Variants in PRKG2 observed in about 807,000 individuals in gnomAD.
PRKG2 encodes cGMP-dependent protein kinase 2.
PRKG2 carries 33 observed loss-of-function variants against 97.2 expected under a neutral mutation model. That is an observed-to-expected ratio of 0.34 (90% CI 0.26 to 0.45). PRKG2 has a LOEUF of 0.45. PRKG2 is among the 20% of genes least tolerant of loss of function. The probability of loss-of-function intolerance (pLI) is 1.00; values close to 1 mark genes in which losing one functional copy is unlikely to be tolerated. For synonymous variants in PRKG2, 330 were observed against 321.8 expected (o/e 1.03, Z -0.27); for missense variants, 638 against 900.0 (o/e 0.71, Z 3.73).
chr4:81,124,132 T>C (rs1212180413), intron 14 of PRKG2, among the ~76,000 whole-genome samples: 1 of 152,180 alleles, frequency 6.6e-6, no homozygotes, highest in African/African-American at 2.4e-5. Context: ...GTAAACACCC[T>C]TTATCTTTGT....
At chr4:81,146,944 G>A (rs1463924843) in intron 9 of PRKG2, among the ~76,000 whole-genome samples, 1 of 152,128 alleles carries the variant, frequency 6.6e-6, no homozygotes, top group Admixed American at 6.5e-5. Context: ...ATATGCTGGT[G>A]TAATCTGAAC....
At chr4:81,098,227 C>T (rs1010711689) in intron 17 of PRKG2, among the ~76,000 whole-genome samples, 14 of 152,126 alleles carry the variant, frequency 9.2e-5, no homozygotes, top group Admixed American at 6.6e-4. Context: ...TTCTTGCCCT[C>T]GAACATCGGA....
chr4:81,091,305 C>T (rs947252807), intron 18 of PRKG2, among the ~76,000 whole-genome samples: 8 of 151,512 alleles, frequency 5.3e-5, no homozygotes, highest in South Asian at 4.2e-4. Context: ...TTTTTTGAGA[C>T]GGAGTCTTGC....
At chr4:81,147,688 C>T (rs553950223) in intron 9 of PRKG2, among the ~76,000 whole-genome samples, 28 of 152,170 alleles carry the variant, frequency 1.8e-4, no homozygotes, top group Middle Eastern at 3.4e-3. Context: ...TGGACAGGGA[C>T]GGCTCCAACA....
chr4:81,105,861 G>C lies in PRKG2; in HGVS notation c.2015C>G (p.Pro672Arg). 6.2e-7 allele frequency: 1 copy of C among 1,613,708 alleles called. No individual in the cohort carries two copies. Among genetic ancestry groups the C allele is most frequent in the Non-Finnish European group, 8.5e-7 (1 of 1,179,800 alleles). Reference sequence around the variant, plus strand: ...CTCAGGTCGTCGTGTTATCTTCCTGGGAAAATCCATTTTTTCAATTCCTTT... The same window carrying C: ...CTCAGGTCGTCGTGTTATCTTCCTGCGAAAATCCATTTTTTCAATTCCTTT... Reference protein sequence around the residue: ...ILKGIEKMDFPRKITRRPEDL... With the variant: ...ILKGIEKMDFRRKITRRPEDL... The change falls in exon 16 of 19, where the codon CCC (proline) becomes CGC (arginine). Residue 672 changes from proline (P) to arginine (R), a missense_variant. Physicochemically the swap from Pro to Arg is moderately radical, Grantham distance 103. This residue lies in a region of PRKG2 where 304 missense variants were observed against 460.5 expected (regional missense o/e 0.66). Coordinates refer to ENST00000264399, the MANE Select transcript of PRKG2 (RefSeq NM_006259.3).
intron 8 of PRKG2, among the ~76,000 whole-genome samples, chr4:81,150,606 C>A (rs895252497): frequency 6.6e-6 from 1 of 152,166 alleles, no homozygotes; most frequent in Non-Finnish European, 1.5e-5. Flanking sequence ...TTGGAAAACA[C>A]TATAATTGGC....
intron 8 of PRKG2, among the ~76,000 whole-genome samples, chr4:81,150,186 C>A (rs1372331432): frequency 6.6e-6 from 1 of 152,068 alleles, no homozygotes; most frequent in Non-Finnish European, 1.5e-5. Context: ...TGTAGGCCAA[C>A]CATTTGATCT....
intron 1 of PRKG2, 29 bp downstream of exon 1, chr4:81,214,907 G>C (rs898474775): frequency 6.6e-6 from 1 of 152,210 alleles, no homozygotes; most frequent in Non-Finnish European, 1.5e-5. Context: ...ACACCCCGGC[G>C]CCCAAGACCC....
In PRKG2 at chr4:81,110,626, C is replaced by T; in HGVS notation, c.1777-15G>A. ...CCAAAGTCAACCTGGTAAAGAATAG[C>T]AAAGAAATTGTGCAGAAACCATAAA... On this transcript the variant is annotated splice_polypyrimidine_tract_variant and intron_variant, in intron 14 of 18. Transcript: ENST00000264399. 1 of 1,613,076 alleles carries T rather than the reference C, an allele frequency of 6.2e-7. No individual in the cohort carries two copies. Among genetic ancestry groups the T allele is most frequent in the Non-Finnish European group, 8.5e-7 (1 of 1,179,698 alleles).
chr4:81,097,739 T>C (rs1158914245), intron 17 of PRKG2, among the ~76,000 whole-genome samples: 1 of 152,182 alleles, frequency 6.6e-6, no homozygotes, highest in African/African-American at 2.4e-5. Context: ...TTTTAAGTTA[T>C]GGAGATGGCT....
chr4:81,207,781 T>G (rs1225219398), intron 1 of PRKG2, among the ~76,000 whole-genome samples: 1 of 152,158 alleles, frequency 6.6e-6, no homozygotes, highest in Admixed American at 6.5e-5. Context: ...GATACGTAAG[T>G]AAGTTACTAA....
chr4:81,176,848 A>T (rs1750971849), intron 2 of PRKG2, among the ~76,000 whole-genome samples: 1 of 152,024 alleles, frequency 6.6e-6, no homozygotes. Flanking sequence ...TCAACATCCA[A>T]CATTCCATGG....
chr4:81,185,638 T>A (rs916203309), intron 2 of PRKG2, among the ~76,000 whole-genome samples: 1 of 151,254 alleles, frequency 6.6e-6, no homozygotes, highest in Admixed American at 6.6e-5. Flanking sequence ...TAACCTTAAA[T>A]GTAAATGGGC....
At chr4:81,114,323 A>G (rs1158087772) in intron 14 of PRKG2, among the ~76,000 whole-genome samples, 7 of 119,750 alleles carry the variant, frequency 5.8e-5, no homozygotes, top group Non-Finnish European at 1.3e-4. Flanking sequence ...GTGTTTGGTG[A>G]AAAAAAAAAA....
At chr4:81,214,577 T>G (rs898527403) in intron 1 of PRKG2, among the ~76,000 whole-genome samples, 2 of 152,072 alleles carry the variant, frequency 1.3e-5, no homozygotes, top group African/African-American at 4.8e-5. Context: ...GCGCAAGCCC[T>G]GACAGCACCG....
At chr4:81,144,608 A>ATT (rs200058151) in intron 9 of PRKG2, among the ~76,000 whole-genome samples, 10,763 of 140,380 alleles carry the variant, frequency 0.077, 975 homozygotes, top group East Asian at 0.37. Flanking sequence ...ATATATATAT[A>ATT]TATTTTTTTT....
Position 81,135,305 on chromosome 4 carries a change from A to G in PRKG2, c.1635-9T>C, listed in dbSNP as rs771266299. On this transcript the variant is annotated splice_polypyrimidine_tract_variant and intron_variant, in intron 13 of 18. Coordinates refer to ENST00000264399, the MANE Select transcript of PRKG2 (RefSeq NM_006259.3). ...GTTCATCAAAGCTGCCTCTGCAACG[A>G]AATCATTTTCCCTCTTAATACTTTG... The G allele has an allele frequency of 6.2e-7, 1 of 1,611,826 alleles. No individual in the cohort carries two copies. The highest frequency in any genetic ancestry group is 1.1e-5 in the South Asian group (1 of 90,564).
At chr4:81,100,006 G>A (rs1298161580) in intron 17 of PRKG2, among the ~76,000 whole-genome samples, 2 of 152,062 alleles carry the variant, frequency 1.3e-5, no homozygotes, top group South Asian at 2.1e-4. Flanking sequence ...CAACTTACAA[G>A]GCATGTGAAG....
intron 6 of PRKG2, among the ~76,000 whole-genome samples, chr4:81,166,279 C>T (rs1408941467): frequency 6.6e-6 from 1 of 152,044 alleles, no homozygotes; most frequent in Non-Finnish European, 1.5e-5. Context: ...AGGCATGAAT[C>T]TGTCAACAAT....
Sources: gnomAD v4.1 joint callset for allele counts (sites outside exome capture counted in the v4.1 genomes callset) on GRCh38, gnomAD v4.1.1 for gene constraint, gnomAD v4.1.1 regional missense constraint, MANE v1.5 for transcripts, NCBI Gene and HGNC (gene_info 2026-07-23, HGNC 2026-07-21) for gene names.